The following RBFOX1 variants were observed in gnomAD, a reference collection of about 807,000 sequenced individuals.
RBFOX1 encodes RNA binding protein fox-1 homolog 1.
RBFOX1 carries 8 observed loss-of-function variants against 57.7 expected under a neutral mutation model. The observed-to-expected ratio is 0.14, with a 90% confidence interval of 0.08 to 0.25. The LOEUF is 0.25. Among genes scored for constraint, RBFOX1 ranks in the 10% least tolerant of loss-of-function variants. RBFOX1 has a pLI of 1.00. For missense variants in RBFOX1, 611 were observed against 548.5 expected (o/e 1.11, Z -1.14); for synonymous variants, 326 against 222.4 (o/e 1.47, Z -4.15).
intron 1 of RBFOX1, among the ~76,000 whole-genome samples, chr16:5,420,679 G>T (rs548569522): frequency 6.6e-6 from 1 of 151,946 alleles, no homozygotes; most frequent in Admixed American, 6.6e-5. Context: ...GACTACAGGC[G>T]TGCGCCACCA....
intron 3 of RBFOX1, among the ~76,000 whole-genome samples, chr16:6,895,010 G>A (rs767795926): frequency 3.9e-5 from 6 of 152,096 alleles, no homozygotes; most frequent in Non-Finnish European, 5.9e-5. Flanking sequence ...ACTAAACAAC[G>A]TCAGTCTAGT....
intron 4 of RBFOX1, among the ~76,000 whole-genome samples, chr16:7,263,188 C>T (rs1425449855): frequency 6.6e-6 from 1 of 152,194 alleles, no homozygotes; most frequent in Non-Finnish European, 1.5e-5. Context: ...TTCTAAGCCA[C>T]TTGATGGCAG....
chr16:7,060,041 C>G (rs151178159), intron 4 of RBFOX1, among the ~76,000 whole-genome samples: 9 of 152,234 alleles, frequency 5.9e-5, no homozygotes, highest in African/African-American at 1.2e-4. Context: ...CAGTCAGATT[C>G]TTTTCAATGT....
At chr16:7,427,495 C>T (rs1269527260) in intron 4 of RBFOX1, among the ~76,000 whole-genome samples, 4 of 151,898 alleles carry the variant, frequency 2.6e-5, no homozygotes, top group Admixed American at 2.6e-4. Flanking sequence ...GTAGCTCTCC[C>T]AGTGCAGAAG....
chr16:6,729,902 A>T (rs1195222319), intron 3 of RBFOX1, among the ~76,000 whole-genome samples: 1 of 152,186 alleles, frequency 6.6e-6, no homozygotes, highest in East Asian at 1.9e-4. Context: ...GAGATACAAC[A>T]TGTAAAACTT....
chr16:5,511,572 A>G (rs912045739), intron 2 of RBFOX1, among the ~76,000 whole-genome samples: 1 of 152,120 alleles, frequency 6.6e-6, no homozygotes, highest in East Asian at 1.9e-4. Flanking sequence ...CCTAGATGCC[A>G]CTCAGCTCTG....
chr16:6,085,792 T>C (rs753992467), intron 1 of RBFOX1, among the ~76,000 whole-genome samples: 12 of 152,168 alleles, frequency 7.9e-5, no homozygotes, highest in Non-Finnish European at 1.6e-4. Context: ...CCGAACTCCA[T>C]CTTATCTCTG....
intron 1 of RBFOX1, among the ~76,000 whole-genome samples, chr16:6,086,986 C>T (rs2096095148): frequency 6.6e-6 from 1 of 152,204 alleles, no homozygotes; most frequent in African/African-American, 2.4e-5. Context: ...AGCAACACAT[C>T]ACTCAAGAGG....
intron 3 of RBFOX1, among the ~76,000 whole-genome samples, chr16:5,804,432 C>T (rs946369495): frequency 2.0e-5 from 3 of 152,160 alleles, no homozygotes; most frequent in Non-Finnish European, 2.9e-5. Context: ...CAAAAGAAAA[C>T]AAGGTATCCT....
chr16:7,426,025 G>C (rs955762156), intron 4 of RBFOX1, among the ~76,000 whole-genome samples: 3 of 152,312 alleles, frequency 2.0e-5, no homozygotes, highest in Admixed American at 6.5e-5. Context: ...CTGGGCCTCG[G>C]ATGTCGGGAG....
At chr16:6,699,498 T>G (rs1045445751) in intron 3 of RBFOX1, among the ~76,000 whole-genome samples, 1 of 152,180 alleles carries the variant, frequency 6.6e-6, no homozygotes, top group African/African-American at 2.4e-5. Context: ...TTTCAGCACA[T>G]TATATAATGT....
intron 2 of RBFOX1, among the ~76,000 whole-genome samples, chr16:5,577,945 G>A (rs948087820): frequency 2.1e-5 from 3 of 141,990 alleles, no homozygotes; most frequent in African/African-American, 5.3e-5. Context: ...TTTGTAGAGA[G>A]ATTCTGGGGT....
intron 3 of RBFOX1, among the ~76,000 whole-genome samples, chr16:5,722,644 T>G (rs2051978521): frequency 6.6e-6 from 1 of 152,202 alleles, no homozygotes. Context: ...TGAGTCTGCA[T>G]CTGAAGTAGA....
chr16:6,553,394 A>C (rs1057397801), intron 2 of RBFOX1, among the ~76,000 whole-genome samples: 2 of 152,234 alleles, frequency 1.3e-5, no homozygotes, highest in Non-Finnish European at 2.9e-5. Context: ...ACGTCTATCA[A>C]GGATGGATAG....
At chr16:6,614,397 G>A (rs1192482488) in intron 2 of RBFOX1, among the ~76,000 whole-genome samples, 1 of 152,142 alleles carries the variant, frequency 6.6e-6, no homozygotes, top group Admixed American at 6.5e-5. Flanking sequence ...ATTGGTATCT[G>A]CCTAGAAAGA....
chr16:5,790,424 C>A (rs1326902286), intron 3 of RBFOX1, among the ~76,000 whole-genome samples: 3 of 151,814 alleles, frequency 2.0e-5, no homozygotes, highest in Non-Finnish European at 4.4e-5. Flanking sequence ...GTTTGTGCCT[C>A]CTTCCACTCC....
intron 3 of RBFOX1, among the ~76,000 whole-genome samples, chr16:5,796,109 G>C (rs958682725): frequency 3.9e-5 from 6 of 152,184 alleles, no homozygotes; most frequent in African/African-American, 1.4e-4. Context: ...TGAAGGCATG[G>C]TTGAATTTTG....
At chr16:6,839,273 C>T (rs971171548) in intron 3 of RBFOX1, among the ~76,000 whole-genome samples, 2 of 152,194 alleles carry the variant, frequency 1.3e-5, no homozygotes, top group Admixed American at 6.5e-5. Context: ...GCAAGAGCCA[C>T]TGTGCCCGGC....
intron 1 of RBFOX1, among the ~76,000 whole-genome samples, chr16:6,127,935 A>G (rs943367977): frequency 6.6e-6 from 1 of 152,122 alleles, no homozygotes; most frequent in Non-Finnish European, 1.5e-5. Flanking sequence ...GCATTGATTA[A>G]TATTCTTGGG....
Sources: allele counts gnomAD v4.1 joint callset (sites outside exome capture counted in the v4.1 genomes callset), GRCh38; gene constraint gnomAD v4.1.1; transcripts MANE v1.5; gene names NCBI Gene and HGNC (gene_info 2026-07-23, HGNC 2026-07-21).